Variants in PCDHA11 observed in about 807,000 individuals in gnomAD.
PCDHA11 encodes protocadherin alpha-11.
Under a neutral mutation model 70.3 loss-of-function variants are expected in PCDHA11, and 61 were observed. The ratio of observed to expected loss-of-function variants is 0.87; its 90% confidence interval spans 0.71 to 1.07. The LOEUF (loss-of-function observed/expected upper bound fraction) is 1.07. Ranked by LOEUF, PCDHA11 falls within the 50% of genes least tolerant of loss-of-function variation. PCDHA11 has a pLI of 0.00. For synonymous variants in PCDHA11, 633 were observed against 555.1 expected (o/e 1.14, Z -1.97); for missense variants, 1,324 against 1,237.5 (o/e 1.07, Z -1.05).
chr5:140,992,017 C>CTGTGTGTGTGTG (rs10602499), intron 3 of PCDHA11, among the ~76,000 whole-genome samples: 10 of 145,628 alleles, frequency 6.9e-5, no homozygotes, highest in African/African-American at 2.3e-4. Flanking sequence ...AGAGGTGGCT[C>CTGTGTGTGTGTG]TGTGTGTGTG....
At position 140,869,042 on chromosome 5, in the gene PCDHA11, A is replaced by G. The variant is rs74567119; in HGVS notation, c.-62A>G. On this transcript the variant is annotated 5_prime_UTR_variant, in exon 1 of 4. Transcript: ENST00000398640. The stretch of plus-strand genomic sequence containing the variant: ...GAATTCAACGAGATTTTTAACCTGA[A>G]ACTGAAGAATCTGGTACTGTAAGTG... The G allele has an allele frequency of 9.2e-4, 1,413 of 1,529,994 alleles. 13 individuals are homozygous for G. The African/African-American group carries it at 0.016, about 18-fold the overall frequency. The allele number at this position is 1,529,994 out of a possible 1,614,324, so 94.8% of individuals were successfully genotyped here.
rs1220718510 is a variant in PCDHA11, at chr5:140,898,104, A to T, written c.2391+26610A>T. 2.0e-5 allele frequency among the ~76,000 whole-genome samples: 3 copies of T among 152,110 alleles called. No individual in the cohort carries two copies. In the South Asian group the frequency reaches 6.2e-4, roughly 32 times the overall value. On this transcript the variant is annotated intron_variant, in intron 1 of 3. Coordinates refer to ENST00000398640, the MANE Select transcript of PCDHA11 (RefSeq NM_018902.5). Reference sequence around the variant, plus strand: ...CTGGATATTAGCCCTTTGTCAGATGAGTAGGTTGCGAAAATTTTCTCCCAT... The same window carrying T: ...CTGGATATTAGCCCTTTGTCAGATGTGTAGGTTGCGAAAATTTTCTCCCAT...
chr5:140,882,213 T>C, intron 1 of PCDHA11: 2 of 1,538,576 alleles, frequency 1.3e-6, no homozygotes, highest in Non-Finnish European at 1.8e-6. Flanking sequence ...TGAGAGACAG[T>C]TTGAGGTAAG....
In PCDHA11 at chr5:140,978,014, A is replaced by C. The variant is rs939579655; in HGVS notation, c.2392-935A>C. ...AGTGTCACAAGTTTTTCACAGTGAC[A>C]TTTTTGCTTACTGATACAAGACAGT... On this transcript the variant is annotated intron_variant, in intron 1 of 3. Transcript: ENST00000398640. Among the ~76,000 whole-genome samples, 9 of 152,256 alleles carry C rather than the reference A, an allele frequency of 5.9e-5. 1 individual carries two copies. The highest frequency in any genetic ancestry group is 2.2e-4 in the African/African-American group (9 of 41,540).
chr5:140,967,922 G>T (rs782146005), intron 1 of PCDHA11: 1 of 1,614,198 alleles, frequency 6.2e-7, no homozygotes, highest in South Asian at 1.1e-5. Flanking sequence ...CATTGTGGCC[G>T]TTCTCAGTGT....
At chr5:140,947,524 A>G (rs894259499) in intron 1 of PCDHA11, among the ~76,000 whole-genome samples, 1 of 151,796 alleles carries the variant, frequency 6.6e-6, no homozygotes, top group Admixed American at 6.6e-5. Flanking sequence ...TTTAGAATCA[A>G]CTTTTCAATT....
rs528377796 is a variant in PCDHA11, at chr5:140,957,777, T to G, written c.2392-21172T>G. The stretch of plus-strand genomic sequence containing the variant: ...TTCATTATATATGTTAAGTAAAAAC[T>G]AAGTTCATCATATATGTTAAGTAAA... On this transcript the variant is annotated intron_variant, in intron 1 of 3. Coordinates refer to ENST00000398640, the MANE Select transcript of PCDHA11 (RefSeq NM_018902.5). 8.5e-5 allele frequency among the ~76,000 whole-genome samples: 13 copies of G among 152,182 alleles called. No individual in the cohort carries two copies. The South Asian group carries it at 1.7e-3, about 19-fold the overall frequency.
intron 1 of PCDHA11, chr5:140,927,773 A>C (rs143568645): frequency 6.2e-7 from 1 of 1,614,078 alleles, no homozygotes; most frequent in Non-Finnish European, 8.5e-7. Flanking sequence ...GGGGAGGTGC[A>C]AGTAGCTGCT....
At chr5:140,962,438 GATGGCTTGAATCTCTT>G (rs1298191516) in intron 1 of PCDHA11, among the ~76,000 whole-genome samples, 11 of 152,108 alleles carry the variant, frequency 7.2e-5, no homozygotes, top group East Asian at 5.8e-4. Flanking sequence ...CTTATCCAAA[GATGGCTTGAATCTCTT>G]ATGGCTTGAA....
At position 140,914,538 on chromosome 5, in the gene PCDHA11, T is replaced by C. The variant is rs1393710886; in HGVS notation, c.2391+43044T>C. ...TTTTTTCATCCATTCAGCCACTTTA[T>C]TTCTTTTTATTGGAGAGTTTAGTCC... is the stretch of plus-strand genomic sequence containing the variant. On this transcript the variant is annotated intron_variant, in intron 1 of 3. Transcript: ENST00000398640. 2.0e-5 allele frequency among the ~76,000 whole-genome samples: 3 copies of C among 152,198 alleles called. No individual in the cohort carries two copies. The East Asian group carries it at 5.8e-4, about 29-fold the overall frequency.
At chr5:140,967,609 C>T (rs1026350659) in intron 1 of PCDHA11, 26 of 1,614,056 alleles carry the variant, frequency 1.6e-5, no homozygotes, top group Middle Eastern at 1.6e-4. Flanking sequence ...AGCTGAATGC[C>T]TCAGACCCGG....
intron 1 of PCDHA11, chr5:140,876,731 C>T (rs782483829): frequency 1.7e-5 from 27 of 1,614,124 alleles, no homozygotes; most frequent in Non-Finnish European, 1.9e-5. Context: ...AGCGTGTCGG[C>T]CTATGAGCTG....
intron 1 of PCDHA11, among the ~76,000 whole-genome samples, chr5:140,891,916 G>T (rs1336108155): frequency 6.6e-6 from 1 of 152,170 alleles, no homozygotes; most frequent in Non-Finnish European, 1.5e-5. Context: ...ACCAGATGCT[G>T]GTGCCTTGAT....
Position 140,885,566 on chromosome 5 carries a change from G to A in PCDHA11, c.2391+14072G>A, listed in dbSNP as rs190303990. On this transcript the variant is annotated intron_variant, in intron 1 of 3. Transcript: ENST00000398640. The stretch of plus-strand genomic sequence containing the variant: ...TGGTGTTATTTCTACGAAATTGATT[G>A]TCAGATGTGGAATTGATGCATCAAA... Among the ~76,000 whole-genome samples, 467 of 152,160 alleles carry A rather than the reference G, an allele frequency of 3.1e-3. 3 individuals carry two copies. The highest frequency in any genetic ancestry group is 0.014 in the Middle Eastern group (4 of 294).
chr5:140,903,587 G>A (rs62384486), intron 1 of PCDHA11, among the ~76,000 whole-genome samples: 1 of 152,156 alleles, frequency 6.6e-6, no homozygotes, highest in African/African-American at 2.4e-5. Context: ...GCTGGTGTTG[G>A]CCTGATAAAT....
chr5:140,953,045 C>A (rs1414124229), intron 1 of PCDHA11, among the ~76,000 whole-genome samples: 2 of 152,288 alleles, frequency 1.3e-5, no homozygotes, highest in Admixed American at 6.5e-5. Flanking sequence ...CCCCATGATC[C>A]AATCACCTCT....
chr5:140,909,249 G>A (rs1180498257), intron 1 of PCDHA11, among the ~76,000 whole-genome samples: 1 of 152,196 alleles, frequency 6.6e-6, no homozygotes, highest in Non-Finnish European at 1.5e-5. Flanking sequence ...TATATTGCTG[G>A]CCTTGCTGAC....
rs116952410 is a variant in PCDHA11, at chr5:140,893,392, C to A, written c.2391+21898C>A. On this transcript the variant is annotated intron_variant, in intron 1 of 3. Coordinates refer to ENST00000398640, the MANE Select transcript of PCDHA11 (RefSeq NM_018902.5). ...AGCATTTATGGGACAGTGGCTCATG[C>A]CTGTAATCCCAGCACTTAGGGAGGC... 2.0e-5 allele frequency among the ~76,000 whole-genome samples: 3 copies of A among 152,230 alleles called. No individual in the cohort carries two copies. The East Asian group carries it at 5.8e-4, about 29-fold the overall frequency.
chr5:140,952,215 C>T (rs2094705548), intron 1 of PCDHA11, among the ~76,000 whole-genome samples: 1 of 152,034 alleles, frequency 6.6e-6, no homozygotes, highest in African/African-American at 2.4e-5. Context: ...GCAGCTTTTC[C>T]AGGCACAGTG....
Sources: gnomAD v4.1 joint callset for allele counts (sites outside exome capture counted in the v4.1 genomes callset) on GRCh38, gnomAD v4.1.1 for gene constraint, MANE v1.5 for transcripts, NCBI Gene and HGNC (gene_info 2026-07-23, HGNC 2026-07-21) for gene names.